KIF21B: variants seen among roughly 807,000 people sequenced by gnomAD.
KIF21B encodes the protein kinesin-like protein KIF21B.
In KIF21B, 85 loss-of-function variants were observed where a neutral mutation model predicts 192.9. The observed-to-expected ratio is 0.44, with a 90% CI of 0.37 to 0.53. The LOEUF is 0.53. Ranked by LOEUF, KIF21B falls within the 20% of genes least tolerant of loss-of-function variation. The pLI is 0.00. For missense variants in KIF21B, 1,716 were observed against 2,194.8 expected, an observed-to-expected ratio of 0.78 and a Z score of 4.36; for synonymous variants, 832 against 884.6, an observed-to-expected ratio of 0.94 and a Z score of 1.05.
rs940203536 is a variant in KIF21B, at chr1:200,992,513, C to T, written c.2278-124G>A. On this transcript the variant is annotated intron_variant, in intron 15 of 34. Coordinates refer to ENST00000461742, the MANE Select transcript of KIF21B (RefSeq NM_001252102.2). ...AGTGGCTAGCCAGGCAACACTGGCT[C>T]AGGGCCTGGGGGTCTGAAGTGAGGG... 37 of 979,864 alleles carry T rather than the reference C, an allele frequency of 3.8e-5. No individual in the cohort carries two copies. In the Middle Eastern group the frequency reaches 9.2e-4, roughly 24 times the overall value. 60.7% of individuals were successfully genotyped at this position (979,864 alleles called of 1,614,324 possible).
At chr1:200,985,051 T>G in intron 26 of KIF21B, 79 bp from the exon 27 acceptor site, 1 of 1,023,032 alleles carries the variant, frequency 9.8e-7, no homozygotes, top group South Asian at 1.5e-5. Context: ...GGCTTCCACC[T>G]TCTGCCTTGT....
intron 14 of KIF21B, 117 bp from the exon 15 acceptor site, chr1:200,996,512 G>A: frequency 1.1e-6 from 1 of 879,306 alleles, no homozygotes; most frequent in Non-Finnish European, 1.8e-6. Context: ...ATGACCTTGG[G>A]CAAGTCACAC....
At chr1:200,992,484 G>A in intron 15 of KIF21B, 95 bp from the exon 16 acceptor site, 1 of 1,281,256 alleles carries the variant, frequency 7.8e-7, no homozygotes, top group East Asian at 2.3e-5. Context: ...CATGGGGCAG[G>A]GATAGTGGCT....
At position 201,003,625 on chromosome 1, in the gene KIF21B, C is replaced by A. The variant is rs1657632636; in HGVS notation, c.1173G>T (p.Glu391Asp). 6.2e-7 allele frequency: 1 copy of A among 1,614,066 alleles called. No homozygotes were observed. The highest frequency in any genetic ancestry group is 1.1e-5 in the South Asian group (1 of 91,092). The change falls in exon 8 of 35, where the codon GAG becomes GAT. Residue 391 changes from glutamate to aspartate, a missense_variant. This residue lies in a region of KIF21B where 1,087 missense variants were observed against 1,316.6 expected (regional missense o/e 0.83). Coordinates refer to ENST00000461742, the MANE Select transcript of KIF21B (RefSeq NM_001252102.2). ...TCAGCTCCATCTGCAGCCGAGCAATCTCAGCCCGCAGTGCACTGATTTGCT... is the reference window on the plus strand; with the variant it reads ...TCAGCTCCATCTGCAGCCGAGCAATATCAGCCCGCAGTGCACTGATTTGCT... ...TSQQISALRAEIARLQMELME... is the reference protein window; with the variant it reads ...TSQQISALRADIARLQMELME...
In KIF21B at chr1:201,000,644, G is replaced by T. The variant is rs964967377; in HGVS notation, c.1467-36C>A. On this transcript the variant is annotated intron_variant, in intron 10 of 34. Transcript: ENST00000461742. The surrounding 1 kb of genome is among the most constrained non-coding windows in gnomAD (Gnocchi z 6.0). ...AGAACGAGTGGACGGGGCCGAGTGAGCTGCCACAGCCCTTGGCGTCACCTG... is the reference window on the plus strand; with the variant it reads ...AGAACGAGTGGACGGGGCCGAGTGATCTGCCACAGCCCTTGGCGTCACCTG... 8 of 1,612,872 alleles carry T rather than the reference G, an allele frequency of 5.0e-6. No individual in the cohort carries two copies. In the African/African-American group the frequency reaches 1.1e-4, roughly 22 times the overall value.
In KIF21B at chr1:200,976,880, C is replaced by A. The variant is rs773631554; in HGVS notation, c.4339G>T (p.Gly1447Cys). Residue 1447 changes from glycine (G) to cysteine (C), a missense_variant, in exon 32 of 35, where the codon GGC becomes TGC. By Grantham distance (159) the Gly-to-Cys change is radical (BLOSUM62 -3). Transcript: ENST00000461742. ...IWELSRFQPVGKLTGHIGPVM... is the reference protein window; with the variant it reads ...IWELSRFQPVCKLTGHIGPVM... ...GGGCCGATGTGGCCAGTCAGCTTGC[C>A]GACAGGCTGGAACCTGCAGTGGGAA... 1.9e-6 allele frequency: 3 copies of A among 1,609,018 alleles called. No homozygotes were observed. The highest frequency in any genetic ancestry group is 1.7e-4 in the Middle Eastern group (1 of 5,874).
rs1288141196 is a variant in KIF21B at position 200,983,082 on chromosome 1, G to A, written c.3816C>T (p.Ser1272=). The A allele has an allele frequency of 3.3e-6, 5 of 1,536,116 alleles. No individual in the cohort carries two copies. The highest frequency in any genetic ancestry group is 3.9e-5 in the Admixed American group (2 of 50,992). The change falls in exon 28 of 35, where the codon AGC becomes AGT. Residue 1272 remains serine (S), a synonymous_variant. Coordinates refer to ENST00000461742, the MANE Select transcript of KIF21B (RefSeq NM_001252102.2). The stretch of plus-strand genomic sequence containing the variant: ...TCAGGACCTCCGACAAAGAGGAGTC[G>A]CTGTCATCAGACCTGGGGAGGGCAG... ...QGSALDKSDD[S]DSSLSEVLRG... is the part of the protein sequence containing the mutation.
intron 5 of KIF21B, 136 bp downstream of exon 5, chr1:201,005,170 GAA>G: frequency 7.7e-7 from 1 of 1,298,640 alleles, no homozygotes; most frequent in Middle Eastern, 2.8e-4. Context: ...CAAGGCTCAA[GAA>G]AAATATAAAA....
In KIF21B at chr1:200,999,093, C is replaced by T. The variant is rs1657284904; in HGVS notation, c.1885+256G>A. ...GGTGATATAGGGAAGCTCACCACCC[C>T]TATGCATACAGTTGCAGTGAAGACT... On this transcript the variant is annotated intron_variant, in intron 13 of 34. Coordinates refer to ENST00000461742, the MANE Select transcript of KIF21B (RefSeq NM_001252102.2). This position sits in a 1 kb window ranked among gnomAD's most constrained non-coding sequence, Gnocchi z 4.7. 6.6e-6 allele frequency among the ~76,000 whole-genome samples: 1 copy of T among 152,146 alleles called. No homozygotes were observed. Among genetic ancestry groups the T allele is most frequent in the South Asian group, 2.1e-4 (1 of 4,830 alleles).
At chr1:200,996,085 T>C (rs753350537) in intron 15 of KIF21B, 111 bp downstream of exon 15, 13 of 1,113,298 alleles carry the variant, frequency 1.2e-5, no homozygotes, top group Non-Finnish European at 1.8e-5. Flanking sequence ...TGCTGTGTGT[T>C]GAGAAGAGAA....
rs1655185528 is a variant in KIF21B at position 200,971,045 on chromosome 1, T to G, written c.*2476A>C. The G allele has an allele frequency of 6.5e-6, 1 of 152,912 alleles. No individual in the cohort carries two copies. Among genetic ancestry groups the G allele is most frequent in the South Asian group, 2.1e-4 (1 of 4,836 alleles). The allele number at this position is 152,912 out of a possible 1,614,324, so 9.5% of individuals were successfully genotyped here. ...CTCCCGGGCCTGGGCCTGTCAAGTC[T>G]GCCTGCGGGACCCTGCCATTGTGCT... On this transcript the variant is annotated 3_prime_UTR_variant, in exon 35 of 35. Transcript: ENST00000461742.
chr1:200,988,189 A>C, intron 24 of KIF21B, 107 bp downstream of exon 24: 1 of 1,146,712 alleles, frequency 8.7e-7, no homozygotes, highest in Non-Finnish European at 1.3e-6. Flanking sequence ...AGCTGGGGAC[A>C]ACATTGTGTT....
intron 3 of KIF21B, among the ~76,000 whole-genome samples, chr1:201,008,249 G>A (rs1453248873): frequency 6.6e-6 from 1 of 152,212 alleles, no homozygotes; most frequent in East Asian, 1.9e-4. Context: ...GAGACAGGAA[G>A]GGCCAGGTGC....
rs1234774375 is a variant in KIF21B at position 201,008,892 on chromosome 1, C to T, written c.324G>A (p.Glu108=). The change falls in exon 3 of 35, where the codon GAG becomes GAA. Residue 108 remains glutamate, a synonymous_variant. Coordinates refer to ENST00000461742, the MANE Select transcript of KIF21B (RefSeq NM_001252102.2). ...GTGFDMATSE[E]EQGIIPRAIA... The stretch of plus-strand genomic sequence containing the variant: ...TGGCCCTCGGGATGATGCCCTGCTC[C>T]TCCTCCGACGTTGCCATGTCAAAGC... 1.2e-6 allele frequency: 2 copies of T among 1,611,804 alleles called. No homozygotes were observed. Among genetic ancestry groups the T allele is most frequent in the Non-Finnish European group, 1.7e-6 (2 of 1,180,018 alleles).
rs770044242 is a variant in KIF21B at position 201,000,640 on chromosome 1, G to C, written c.1467-32C>G. 3.1e-6 allele frequency: 5 copies of C among 1,613,166 alleles called. No homozygotes were observed. Among genetic ancestry groups the C allele is most frequent in the Non-Finnish European group, 4.2e-6 (5 of 1,179,658 alleles). On this transcript the variant is annotated intron_variant, in intron 10 of 34. Coordinates refer to ENST00000461742, the MANE Select transcript of KIF21B (RefSeq NM_001252102.2). The surrounding 1 kb of genome is among the most constrained non-coding windows in gnomAD (Gnocchi z 6.0). ...AGGAAGAACGAGTGGACGGGGCCGA[G>C]TGAGCTGCCACAGCCCTTGGCGTCA...
chr1:201,008,622 G>T, intron 3 of KIF21B, 147 bp downstream of exon 3: 1 of 779,442 alleles, frequency 1.3e-6, no homozygotes, highest in Non-Finnish European at 2.1e-6. Flanking sequence ...GCCCTTGCTT[G>T]GATTCTTTCA....
intron 26 of KIF21B, 34 bp from the exon 27 acceptor site, chr1:200,985,006 G>A: frequency 6.7e-7 from 1 of 1,497,894 alleles, no homozygotes; most frequent in South Asian, 1.2e-5. Context: ...GCCTGTTAGT[G>A]ACCACCCCTG....
chr1:200,988,693 C>T (rs888822229), intron 22 of KIF21B, 73 bp downstream of exon 22: 2 of 1,545,746 alleles, frequency 1.3e-6, no homozygotes, highest in Non-Finnish European at 1.8e-6. Flanking sequence ...GAAGTGAGGG[C>T]CTTGTGGGGG....
intron 24 of KIF21B, 93 bp from the exon 25 acceptor site, chr1:200,987,294 CAGT>C (rs1326587894): frequency 4.4e-6 from 5 of 1,145,514 alleles, no homozygotes; most frequent in Non-Finnish European, 6.2e-6. Context: ...TTTTTTGAGA[CAGT>C]GGTGCAAACA....
Sources: gnomAD v4.1 joint callset for allele counts (sites outside exome capture counted in the v4.1 genomes callset) on GRCh38, gnomAD v4.1.1 for gene constraint, gnomAD v4.1.1 regional missense constraint, Gnocchi (gnomAD v3.1) non-coding constraint, MANE v1.5 for transcripts, NCBI Gene and HGNC (gene_info 2026-07-23, HGNC 2026-07-21) for gene names.